ADGRB3: variants seen among roughly 807,000 people sequenced by gnomAD.
The protein encoded by ADGRB3 is brain-specific angiogenesis inhibitor 3.
ADGRB3 carries 37 observed loss-of-function variants against 193.4 expected under a neutral mutation model. The ratio of observed to expected loss-of-function variants is 0.19; its 90% CI spans 0.15 to 0.25. ADGRB3 has a LOEUF of 0.25. Ranked by LOEUF, ADGRB3 falls within the 10% of genes least tolerant of loss-of-function variation. ADGRB3 has a pLI of 1.00. For synonymous variants in ADGRB3, 690 were observed against 644.2 expected (o/e 1.07, Z -1.08); for missense variants, 1,637 against 1,852.9 (o/e 0.88, Z 2.14).
At chr6:69,052,233 A>G (rs1322806134) in intron 15 of ADGRB3, among the ~76,000 whole-genome samples, 3 of 152,192 alleles carry the variant, frequency 2.0e-5, no homozygotes, top group Non-Finnish European at 4.4e-5. Flanking sequence ...ACATCTTTAA[A>G]AATAAGGCAC....
At chr6:68,989,427 G>A (rs918803905) in intron 10 of ADGRB3, among the ~76,000 whole-genome samples, 2 of 152,258 alleles carry the variant, frequency 1.3e-5, no homozygotes, top group African/African-American at 2.4e-5. Flanking sequence ...CCTTCTGGAA[G>A]TTAAGTACTG....
chr6:68,973,862 A>G (rs1045277252), intron 8 of ADGRB3, among the ~76,000 whole-genome samples: 23 of 152,248 alleles, frequency 1.5e-4, no homozygotes, highest in African/African-American at 5.5e-4. Context: ...TTTTAACACA[A>G]TATAGATAGA....
At chr6:68,941,314 A>T (rs1767635751) in intron 5 of ADGRB3, among the ~76,000 whole-genome samples, 1 of 152,130 alleles carries the variant, frequency 6.6e-6, no homozygotes, top group African/African-American at 2.4e-5. Context: ...CTAAAATAAC[A>T]TTGTTAGTGA....
chr6:68,790,259 G>C lies in ADGRB3; in HGVS notation c.758-140300G>C, dbSNP rs112913027. Reference sequence around the variant, plus strand: ...CAAACTGCAAGGCAGCAGGGAGGCTGGGGGAGGGGTGCCCGCCATTGTTGA... The same window carrying C: ...CAAACTGCAAGGCAGCAGGGAGGCTCGGGGAGGGGTGCCCGCCATTGTTGA... On this transcript the variant is annotated intron_variant, in intron 3 of 31. Transcript: ENST00000370598. 7.9e-3 allele frequency among the ~76,000 whole-genome samples: 1,161 copies of C among 146,524 alleles called. 18 individuals carry two copies. Among genetic ancestry groups the C allele is most frequent in the African/African-American group, 0.031 (1,113 of 36,218 alleles).
intron 15 of ADGRB3, among the ~76,000 whole-genome samples, chr6:69,054,803 A>G (rs986971577): frequency 5.9e-5 from 9 of 152,162 alleles, no homozygotes; most frequent in Non-Finnish European, 1.5e-5. Context: ...AGTAAACCCA[A>G]TCCTACTTTG....
chr6:68,880,613 A>G (rs1765706566), intron 3 of ADGRB3, among the ~76,000 whole-genome samples: 1 of 152,138 alleles, frequency 6.6e-6, no homozygotes, highest in Non-Finnish European at 1.5e-5. Flanking sequence ...TTCTGGGTCA[A>G]TGCTCCCCAA....
chr6:69,172,409 C>T (rs1775294101), intron 17 of ADGRB3, among the ~76,000 whole-genome samples: 2 of 151,468 alleles, frequency 1.3e-5, no homozygotes, highest in South Asian at 4.2e-4. Context: ...TTTGGGAGGC[C>T]GAGGCGGGTG....
intron 20 of ADGRB3, among the ~76,000 whole-genome samples, chr6:69,321,942 G>A (rs894001917): frequency 6.6e-6 from 1 of 151,680 alleles, no homozygotes; most frequent in African/African-American, 2.4e-5. Flanking sequence ...TGGTTGTACA[G>A]ATTATTTATC....
chr6:69,208,769 C>A lies in ADGRB3; in HGVS notation c.2481-24521C>A, dbSNP rs1258550277. Among the ~76,000 whole-genome samples the A allele has an allele frequency of 1.3e-5, 2 of 152,138 alleles. 1 individual carries two copies. Among genetic ancestry groups the A allele is most frequent in the Admixed American group, 1.3e-4 (2 of 15,278 alleles). ...AACTTCTTCATGTAACTTACTTGTG[C>A]CTTCAGGACCTGCTCAAGCCCAATC... On this transcript the variant is annotated intron_variant, in intron 17 of 31. Transcript: ENST00000370598.
intron 11 of ADGRB3, among the ~76,000 whole-genome samples, chr6:68,997,662 A>C (rs1339311587): frequency 6.6e-6 from 1 of 150,646 alleles, no homozygotes; most frequent in Non-Finnish European, 1.5e-5. Flanking sequence ...TAAATAAATA[A>C]ATAAATAAAT....
chr6:68,970,661 T>G (rs923547249), intron 8 of ADGRB3, among the ~76,000 whole-genome samples: 1 of 149,808 alleles, frequency 6.7e-6, no homozygotes, highest in Non-Finnish European at 1.5e-5. Flanking sequence ...TAGCACCATG[T>G]TACATTAACA....
intron 5 of ADGRB3, among the ~76,000 whole-genome samples, chr6:68,942,862 T>G (rs534167877): frequency 6.6e-6 from 1 of 152,292 alleles, no homozygotes; most frequent in African/African-American, 2.4e-5. Flanking sequence ...CTGCCCATCT[T>G]GGCCTCTGAA....
At chr6:68,997,798 AT>A (rs1198206563) in intron 11 of ADGRB3, among the ~76,000 whole-genome samples, 1 of 152,084 alleles carries the variant, frequency 6.6e-6, no homozygotes, top group Non-Finnish European at 1.5e-5. Context: ...AAGGTAACTT[AT>A]TTTTTGGCCT....
At chr6:69,021,747 G>A (rs986844079) in intron 13 of ADGRB3, among the ~76,000 whole-genome samples, 2 of 151,800 alleles carry the variant, frequency 1.3e-5, no homozygotes, top group South Asian at 4.1e-4. Flanking sequence ...ATTTTAGAAA[G>A]ACTTTCTTCA....
chr6:69,162,718 T>C (rs887793417), intron 17 of ADGRB3, among the ~76,000 whole-genome samples: 3 of 152,146 alleles, frequency 2.0e-5, no homozygotes, highest in African/African-American at 7.2e-5. Context: ...AAGTTAAATG[T>C]AGAAGTAAAT....
intron 15 of ADGRB3, among the ~76,000 whole-genome samples, chr6:69,056,778 C>T (rs1248364976): frequency 6.6e-6 from 1 of 152,084 alleles, no homozygotes; most frequent in Non-Finnish European, 1.5e-5. Context: ...TTTCTGTGTA[C>T]TCTATTCTGT....
chr6:69,300,701 G>A (rs2127296453), intron 20 of ADGRB3, among the ~76,000 whole-genome samples: 1 of 151,798 alleles, frequency 6.6e-6, no homozygotes, highest in Admixed American at 6.6e-5. Flanking sequence ...AGCTGAGAAT[G>A]TAATACAATT....
At chr6:68,786,458 A>C (rs1465504372) in intron 3 of ADGRB3, among the ~76,000 whole-genome samples, 1 of 151,892 alleles carries the variant, frequency 6.6e-6, no homozygotes, top group East Asian at 1.9e-4. Flanking sequence ...AAGATCAGAT[A>C]GTTGTAGATA....
At chr6:68,775,904 G>T (rs1241627623) in intron 3 of ADGRB3, among the ~76,000 whole-genome samples, 6 of 152,048 alleles carry the variant, frequency 3.9e-5, no homozygotes, top group Admixed American at 3.9e-4. Context: ...TAAAGCCATT[G>T]TATTCATATA....
Sources: gnomAD v4.1 joint callset for allele counts (sites outside exome capture counted in the v4.1 genomes callset) on GRCh38, gnomAD v4.1.1 for gene constraint, MANE v1.5 for transcripts, NCBI Gene and HGNC (gene_info 2026-07-23, HGNC 2026-07-21) for gene names.